The following SEMA5A variants were observed in gnomAD, a reference collection of about 807,000 sequenced individuals.
SEMA5A encodes semaphorin-5A.
In SEMA5A, 55 loss-of-function variants were observed where a neutral mutation model predicts 135.5. The ratio of observed to expected loss-of-function variants is 0.41; its 90% CI spans 0.33 to 0.51. The LOEUF (loss-of-function observed/expected upper bound fraction) is 0.51. Ranked by LOEUF, SEMA5A falls within the 20% of genes least tolerant of loss-of-function variation. SEMA5A has a pLI of 0.37. For synonymous variants in SEMA5A, 580 were observed against 546.5 expected, an observed-to-expected ratio of 1.06 and a Z score of -0.85; for missense variants, 1,290 against 1,419.9, an observed-to-expected ratio of 0.91 and a Z score of 1.47.
At chr5:9,461,782 A>G (rs566268160) in intron 1 of SEMA5A, among the ~76,000 whole-genome samples, 41 of 152,336 alleles carry the variant, frequency 2.7e-4, no homozygotes, top group African/African-American at 9.6e-4. Context: ...ACAGGCAACG[A>G]TTCTTTTATT....
intron 12 of SEMA5A, among the ~76,000 whole-genome samples, chr5:9,143,173 T>G (rs1422219570): frequency 2.0e-5 from 3 of 152,120 alleles, no homozygotes; most frequent in Non-Finnish European, 2.9e-5. Flanking sequence ...ATAAAAAAGG[T>G]TTTTTTGAGA....
intron 3 of SEMA5A, among the ~76,000 whole-genome samples, chr5:9,341,673 A>T (rs1288676024): frequency 1.4e-5 from 2 of 145,264 alleles, no homozygotes; most frequent in Admixed American, 6.9e-5. Context: ...TATAATATAT[A>T]TTATATATAT....
chr5:9,047,387 A>G (rs529126117), intron 21 of SEMA5A, among the ~76,000 whole-genome samples: 2 of 152,344 alleles, frequency 1.3e-5, no homozygotes, highest in South Asian at 4.1e-4. Flanking sequence ...GCAACTAAAA[A>G]TAGCTCTCTA....
chr5:9,080,573 A>G (rs141874558), intron 16 of SEMA5A, among the ~76,000 whole-genome samples: 217 of 152,166 alleles, frequency 1.4e-3, no homozygotes, highest in Non-Finnish European at 2.7e-3. Context: ...CTTAGGATGA[A>G]ACAATTGTAG....
chr5:9,479,618 G>A (rs976031985), intron 1 of SEMA5A, among the ~76,000 whole-genome samples: 5 of 152,190 alleles, frequency 3.3e-5, no homozygotes, highest in Non-Finnish European at 7.3e-5. Flanking sequence ...AAACGGAAGT[G>A]GTTATTATTG....
intron 3 of SEMA5A, among the ~76,000 whole-genome samples, chr5:9,374,172 C>A (rs943802033): frequency 4.6e-5 from 7 of 152,174 alleles, no homozygotes; most frequent in Admixed American, 1.3e-4. Context: ...AGGCAAGTAA[C>A]CTTGCAAACA....
chr5:9,055,012 A>AT (rs1345944928), intron 18 of SEMA5A, among the ~76,000 whole-genome samples: 1 of 152,160 alleles, frequency 6.6e-6, no homozygotes, highest in Non-Finnish European at 1.5e-5. Context: ...AACCCAGCAC[A>AT]TGTCTCTGCC....
intron 1 of SEMA5A, among the ~76,000 whole-genome samples, chr5:9,462,851 G>A (rs1449242324): frequency 6.6e-6 from 1 of 151,846 alleles, no homozygotes; most frequent in African/African-American, 2.4e-5. Context: ...AGGAGACAGG[G>A]GATCTGAAAA....
chr5:9,497,845 T>C (rs974668509), intron 1 of SEMA5A, among the ~76,000 whole-genome samples: 3 of 152,216 alleles, frequency 2.0e-5, no homozygotes, highest in Admixed American at 2.0e-4. Context: ...TTAGTCCCTC[T>C]TTTGGTCTGT....
intron 5 of SEMA5A, among the ~76,000 whole-genome samples, chr5:9,288,210 T>C (rs1750893763): frequency 6.6e-6 from 1 of 152,156 alleles, no homozygotes; most frequent in Non-Finnish European, 1.5e-5. Context: ...ACAAGACAAC[T>C]ATCAACAAAG....
chr5:9,128,547 G>A (rs34172981), intron 13 of SEMA5A, among the ~76,000 whole-genome samples: 16,183 of 152,032 alleles, frequency 0.11, 1,297 homozygotes, highest in East Asian at 0.3. Flanking sequence ...GCCTGAATTC[G>A]GCAGCAGAAT....
At chr5:9,070,875 A>G (rs1040484473) in intron 16 of SEMA5A, among the ~76,000 whole-genome samples, 1 of 152,238 alleles carries the variant, frequency 6.6e-6, no homozygotes, top group African/African-American at 2.4e-5. Context: ...TTTTATCTTA[A>G]TGAGCAAAAT....
intron 3 of SEMA5A, among the ~76,000 whole-genome samples, chr5:9,360,663 C>T (rs1372277590): frequency 6.6e-6 from 1 of 152,182 alleles, no homozygotes; most frequent in Admixed American, 6.5e-5. Context: ...ACAATATTCT[C>T]GGCACTAGGC....
Position 9,388,675 on chromosome 5 carries a change from G to A in SEMA5A, c.-77-8652C>T, listed in dbSNP as rs1390139150. Among the ~76,000 whole-genome samples the A allele has an allele frequency of 5.9e-5, 9 of 152,000 alleles. No individual in the cohort carries two copies. In the South Asian group the frequency reaches 1.0e-3, roughly 17 times the overall value. The stretch of plus-strand genomic sequence containing the variant: ...TGCACTTTGGGAGGCCGAGGTGGGC[G>A]GATCATGAGGTCAGAAGATCAAGAC... On this transcript the variant is annotated intron_variant, in intron 2 of 22. Coordinates refer to ENST00000382496, the MANE Select transcript of SEMA5A (RefSeq NM_003966.3).
intron 1 of SEMA5A, among the ~76,000 whole-genome samples, chr5:9,446,911 G>A (rs186840174): frequency 1.3e-5 from 2 of 152,112 alleles, no homozygotes; most frequent in Admixed American, 1.3e-4. Flanking sequence ...GCGAAATGCC[G>A]GCCACAGATT....
Position 9,350,730 on chromosome 5 carries a change from G to T in SEMA5A, c.125-12918C>A, listed in dbSNP as rs144436256. On this transcript the variant is annotated intron_variant, in intron 3 of 22. Transcript: ENST00000382496. ...GTCATTTCTGGGAGAATACAGTGCT[G>T]TCCTTATGACTGCACCGGGAGAGAA... Among the ~76,000 whole-genome samples, 256 of 152,328 alleles carry T rather than the reference G, an allele frequency of 1.7e-3. 1 individual carries two copies. The highest frequency in any genetic ancestry group is 5.7e-3 in the African/African-American group (238 of 41,568).
chr5:9,081,498 G>T (rs1738382543), intron 16 of SEMA5A, among the ~76,000 whole-genome samples: 2 of 151,968 alleles, frequency 1.3e-5, no homozygotes, highest in South Asian at 4.1e-4. Context: ...CCACTGGCAA[G>T]GAATTTTCCA....
intron 13 of SEMA5A, among the ~76,000 whole-genome samples, chr5:9,131,523 G>T (rs1329930175): frequency 6.7e-6 from 1 of 148,604 alleles, no homozygotes; most frequent in Non-Finnish European, 1.5e-5. Context: ...CAGGAGAATG[G>T]CATGAACCCA....
At chr5:9,449,029 G>C (rs1031107720) in intron 1 of SEMA5A, among the ~76,000 whole-genome samples, 2 of 152,104 alleles carry the variant, frequency 1.3e-5, no homozygotes, top group Non-Finnish European at 2.9e-5. Context: ...AAGACCTAGA[G>C]GCAGAAATAC....
Sources: allele counts gnomAD v4.1 joint callset (sites outside exome capture counted in the v4.1 genomes callset), GRCh38; gene constraint gnomAD v4.1.1; transcripts MANE v1.5; gene names NCBI Gene and HGNC (gene_info 2026-07-23, HGNC 2026-07-21).